The following ZNF560 variants were observed in gnomAD, a reference collection of about 807,000 sequenced individuals.
The protein encoded by ZNF560 is zinc finger protein 560.
Under a neutral mutation model 81.8 loss-of-function variants are expected in ZNF560, and 54 were observed. The observed-to-expected ratio is 0.66, with a 90% CI of 0.53 to 0.83. The LOEUF is 0.83. Among genes scored for constraint, ZNF560 ranks in the 40% least tolerant of loss-of-function variants. ZNF560 has a pLI of 0.00. For synonymous variants in ZNF560, 321 were observed against 317.9 expected (o/e 1.01, Z -0.10); for missense variants, 940 against 932.4 (o/e 1.01, Z -0.11).
At chr19:9,470,715 C>G (rs1351160653) in intron 6 of ZNF560, among the ~76,000 whole-genome samples, 197 bp from the exon 7 acceptor site, 3 of 152,208 alleles carry the variant, frequency 2.0e-5, no homozygotes, top group Non-Finnish European at 4.4e-5. Context: ...ATGGCTGTAA[C>G]AGAACCTCTT....
intron 2 of ZNF560, among the ~76,000 whole-genome samples, chr19:9,491,014 G>C (rs1040355661): frequency 2.0e-5 from 3 of 152,192 alleles, no homozygotes; most frequent in Non-Finnish European, 2.9e-5. Context: ...TTTTGTACAT[G>C]ATATCCCATG....
rs1238265598 is a variant in ZNF560, at chr19:9,467,831, C to T, written c.1116G>A (p.Gly372=). 1.2e-6 allele frequency: 2 copies of T among 1,614,034 alleles called. No homozygotes were observed. The highest frequency in any genetic ancestry group is 1.3e-5 in the African/African-American group (1 of 74,926). The change falls in exon 10 of 10, where the codon GGG becomes GGA. Residue 372 remains glycine, a synonymous_variant. Coordinates refer to ENST00000301480, the MANE Select transcript of ZNF560 (RefSeq NM_152476.3). ...AGTGCTTACATTTATAAGGTTTTATCCCAATGTGGGTTTGCATGTGATTAT... is the reference window on the plus strand; with the variant it reads ...AGTGCTTACATTTATAAGGTTTTATTCCAATGTGGGTTTGCATGTGATTAT... ...HLNNHMQTHI[G]IKPYKCKHCG...
the ZNF560 span, among the ~76,000 whole-genome samples, chr19:9,454,786 G>T: frequency 6.6e-6 from 1 of 152,144 alleles, no homozygotes; most frequent in African/African-American, 2.4e-5. Flanking sequence ...TGGTCAGTGT[G>T]GGCTCTGATT....
At chr19:9,504,962 G>C in the ZNF560 span, among the ~76,000 whole-genome samples, 3 of 152,174 alleles carry the variant, frequency 2.0e-5, no homozygotes, top group Non-Finnish European at 4.4e-5. Context: ...GCACACACCT[G>C]TAGTCCCAGC....
At chr19:9,465,960 C>T (rs1039031869), downstream of ZNF560, among the ~76,000 whole-genome samples, 3 of 152,034 alleles carry the variant, frequency 2.0e-5, no homozygotes, top group African/African-American at 2.4e-5. Context: ...TGCTACTGCA[C>T]TCCAGCCTGG....
At chr19:9,450,938 T>A in the ZNF560 span, among the ~76,000 whole-genome samples, 1 of 151,796 alleles carries the variant, frequency 6.6e-6, no homozygotes, top group African/African-American at 2.4e-5. Flanking sequence ...ACCAAGGAGG[T>A]TAAAGTTTCT....
At chr19:9,496,409 A>G (rs367884602) in intron 2 of ZNF560, among the ~76,000 whole-genome samples, 8 of 151,730 alleles carry the variant, frequency 5.3e-5, no homozygotes, top group South Asian at 2.1e-4. Context: ...TATTTTTAGT[A>G]GAGACAGGGA....
rs549467533 is a variant in ZNF560 at position 9,466,788 on chromosome 19, G to C, written c.2159C>G (p.Ala720Gly). The C allele has an allele frequency of 4.3e-6, 7 of 1,614,072 alleles. No homozygotes were observed. The South Asian group carries it at 7.7e-5, about 18-fold the overall frequency. ...KPYKCKDCGKAFTCHSDLTNH... is the reference protein window; with the variant it reads ...KPYKCKDCGKGFTCHSDLTNH... ...AGTAAGATCTGAATGACAAGTGAAG[G>C]CTTTCCCACAGTCCTTACATTTATA... Residue 720 changes from alanine to glycine, a missense_variant, in exon 10 of 10, where the codon GCC becomes GGC. Physicochemically the swap from Ala to Gly is moderately conservative, Grantham distance 60. Coordinates refer to ENST00000301480, the MANE Select transcript of ZNF560 (RefSeq NM_152476.3).
chr19:9,480,622 CT>C (rs1279614712), intron 2 of ZNF560, among the ~76,000 whole-genome samples: 2 of 151,326 alleles, frequency 1.3e-5, no homozygotes, highest in Non-Finnish European at 2.9e-5. Flanking sequence ...ATGAACAAAC[CT>C]TTAGATAGAT....
chr19:9,484,838 AAAAAGAAAAAAAAAG>A (rs1251590684), intron 2 of ZNF560, among the ~76,000 whole-genome samples: 3 of 145,560 alleles, frequency 2.1e-5, no homozygotes, highest in Admixed American at 6.7e-5. Flanking sequence ...AAAAAATAAA[AAAAAGAAAAAAAAAG>A]AAAAGAAAAA....
At chr19:9,454,837 AAGG>A in the ZNF560 span, among the ~76,000 whole-genome samples, 4 of 150,468 alleles carry the variant, frequency 2.7e-5, no homozygotes, top group Non-Finnish European at 5.9e-5. Flanking sequence ...GATGAGGAGG[AAGG>A]AGACAAAGAA....
chr19:9,459,846 G>A, the ZNF560 span, among the ~76,000 whole-genome samples: 9 of 152,034 alleles, frequency 5.9e-5, no homozygotes, highest in Admixed American at 1.3e-4. Context: ...GTAGTGCAGC[G>A]GGGCAGCCTT....
intron 2 of ZNF560, among the ~76,000 whole-genome samples, chr19:9,479,868 A>G (rs2073258748): frequency 6.6e-6 from 1 of 151,640 alleles, no homozygotes; most frequent in African/African-American, 2.4e-5. Flanking sequence ...TGGTATCCAC[A>G]GGTGGGGGAG....
chr19:9,482,807 C>T (rs558714014), intron 2 of ZNF560, among the ~76,000 whole-genome samples: 9 of 152,212 alleles, frequency 5.9e-5, no homozygotes, highest in Non-Finnish European at 1.2e-4. Context: ...CAATTGCAGG[C>T]GTGCGCCACC....
chr19:9,448,175 A>G, the ZNF560 span, among the ~76,000 whole-genome samples: 1 of 152,172 alleles, frequency 6.6e-6, no homozygotes, highest in East Asian at 1.9e-4. Flanking sequence ...TTTCATTACC[A>G]GTAGACCAGC....
chr19:9,485,373 T>C (rs561209742), intron 2 of ZNF560, among the ~76,000 whole-genome samples: 3 of 152,060 alleles, frequency 2.0e-5, no homozygotes, highest in South Asian at 2.1e-4. Flanking sequence ...GTTCAACATA[T>C]GCAAATCAAT....
intron 2 of ZNF560, among the ~76,000 whole-genome samples, chr19:9,497,360 C>T (rs1040979758): frequency 1.3e-5 from 2 of 151,680 alleles, no homozygotes; most frequent in African/African-American, 4.8e-5. Flanking sequence ...CACGGTGAAA[C>T]CCCATCTCTA....
intron 2 of ZNF560, among the ~76,000 whole-genome samples, chr19:9,491,825 C>CAAAAA (rs1337657281): frequency 3.5e-5 from 1 of 28,956 alleles, no homozygotes. Context: ...GACTCCGTCT[C>CAAAAA]AAAAAAAAAA....
chr19:9,469,326 C>A, intron 8 of ZNF560, 139 bp from the exon 9 acceptor site: 1 of 676,680 alleles, frequency 1.5e-6, no homozygotes, highest in South Asian at 2.1e-5. Flanking sequence ...ATTTTTAAAA[C>A]AACTTATTCT....
Sources: gnomAD v4.1 joint callset for allele counts (sites outside exome capture counted in the v4.1 genomes callset) on GRCh38, gnomAD v4.1.1 for gene constraint, MANE v1.5 for transcripts, NCBI Gene and HGNC (gene_info 2026-07-23, HGNC 2026-07-21) for gene names.